Variants in NCS1 observed in about 807,000 individuals in gnomAD.
The protein encoded by NCS1 is frequenin homolog.
A neutral mutation model predicts 28.4 loss-of-function variants in NCS1; 6 were observed. The ratio of observed to expected loss-of-function variants is 0.21; its 90% CI spans 0.12 to 0.42. The LOEUF (loss-of-function observed/expected upper bound fraction) is 0.42, where lower values mean the gene tolerates loss of function less well. NCS1 is among the 10% of genes least tolerant of loss of function. The probability of loss-of-function intolerance (pLI) is 1.00; values close to 1 mark genes in which losing one functional copy is unlikely to be tolerated. For synonymous variants in NCS1, 86 were observed against 99.3 expected (o/e 0.87, Z 0.79); for missense variants, 131 against 241.4 (o/e 0.54, Z 3.03).
At chr9:130,220,349 T>A (rs1833259484) in intron 4 of NCS1, among the ~76,000 whole-genome samples, 1 of 152,000 alleles carries the variant, frequency 6.6e-6, no homozygotes, top group African/African-American at 2.4e-5. Flanking sequence ...GATAGATGGG[T>A]CCCTGCTCTC....
Position 130,180,032 on chromosome 9 carries a change from T to G in NCS1, c.64+7305T>G, listed in dbSNP as rs1330266004. Reference sequence around the variant, plus strand: ...CTATCTATCTATCTATCTATCTATCTATCTATCTATCTATCTATCGAGATG... The same window carrying G: ...CTATCTATCTATCTATCTATCTATCGATCTATCTATCTATCTATCGAGATG... On this transcript the variant is annotated intron_variant, in intron 1 of 7. Coordinates refer to ENST00000372398, the MANE Select transcript of NCS1 (RefSeq NM_014286.4). This position sits in a 1 kb window ranked among gnomAD's most constrained non-coding sequence, Gnocchi z 4.5. Among the ~76,000 whole-genome samples, 2 of 149,202 alleles carry G rather than the reference T, an allele frequency of 1.3e-5. No homozygotes were observed. Among genetic ancestry groups the G allele is most frequent in the African/African-American group, 5.1e-5 (2 of 39,420 alleles).
rs1444845233 is a variant in NCS1 at position 130,219,709 on chromosome 9, C to T, written c.229-16C>T. On this transcript the variant is annotated splice_polypyrimidine_tract_variant and intron_variant, in intron 3 of 7. Coordinates refer to ENST00000372398, the MANE Select transcript of NCS1 (RefSeq NM_014286.4). The surrounding 1 kb of genome is among the most constrained non-coding windows in gnomAD (Gnocchi z 5.7). ...GGCCGGCACTGACTGAGGCAATCCCCTCTCTCTCCTGTCAGGACGGGCGAA... is the reference window on the plus strand; with the variant it reads ...GGCCGGCACTGACTGAGGCAATCCCTTCTCTCTCCTGTCAGGACGGGCGAA... 1 of 1,613,808 alleles carries T rather than the reference C, an allele frequency of 6.2e-7. No homozygotes were observed.
chr9:130,222,837 A>T, intron 5 of NCS1, 99 bp downstream of exon 5: 1 of 1,272,452 alleles, frequency 7.9e-7, no homozygotes, highest in Non-Finnish European at 1.1e-6. Context: ...GCTCCTGCCC[A>T]GGGTGGAAGC....
rs545750333 is a variant in NCS1 at position 130,180,780 on chromosome 9, G to A, written c.64+8053G>A. ...TGGACCGGCTGTATCAGGGACAGCC[G>A]TTCTTGGCCACTCCCCTGGGCAATC... On this transcript the variant is annotated intron_variant, in intron 1 of 7. Coordinates refer to ENST00000372398, the MANE Select transcript of NCS1 (RefSeq NM_014286.4). The surrounding 1 kb of genome is among the most constrained non-coding windows in gnomAD (Gnocchi z 4.5). Among the ~76,000 whole-genome samples, 1 of 152,322 alleles carries A rather than the reference G, an allele frequency of 6.6e-6. No individual in the cohort carries two copies. Among genetic ancestry groups the A allele is most frequent in the Admixed American group, 6.5e-5 (1 of 15,302 alleles).
rs192137402 is a variant in NCS1 at position 130,202,662 on chromosome 9, C to T, written c.89+1680C>T. Among the ~76,000 whole-genome samples the T allele has an allele frequency of 2.7e-3, 407 of 151,420 alleles. 1 individual carries two copies. Among genetic ancestry groups the T allele is most frequent in the African/African-American group, 9.2e-3 (379 of 41,226 alleles). ...TGGCATGATCTCAGCTCACTGCAAC[C>T]TCCGCCTCCCAGAGTCAAGCGATTC... On this transcript the variant is annotated intron_variant, in intron 2 of 7. Coordinates refer to ENST00000372398, the MANE Select transcript of NCS1 (RefSeq NM_014286.4).
At position 130,191,428 on chromosome 9, in the gene NCS1, C is replaced by G. The variant is rs868968070; in HGVS notation, c.65-9530C>G. 1.3e-4 allele frequency among the ~76,000 whole-genome samples: 20 copies of G among 152,300 alleles called. No homozygotes were observed. Among genetic ancestry groups the G allele is most frequent in the African/African-American group, 3.6e-4 (15 of 41,576 alleles). On this transcript the variant is annotated intron_variant, in intron 1 of 7. Transcript: ENST00000372398. The surrounding 1 kb of genome is among the most constrained non-coding windows in gnomAD (Gnocchi z 6.4). ...AGATCCCCCAACAGGTGAAATACCC[C>G]CCGATTCGAGTGCTCAGCCTTCCTC...
rs1462593301 is a variant in NCS1, at chr9:130,232,817, C to G, written c.*18-173C>G. ...AAGCAAACAAAAAAAAACCAAAAAA[C>G]CCAAAGGGTGCCTCAGAGGTTATGC... On this transcript the variant is annotated intron_variant, in intron 7 of 7. Transcript: ENST00000372398. This position sits in a 1 kb window ranked among gnomAD's most constrained non-coding sequence, Gnocchi z 4.4. Among the ~76,000 whole-genome samples the G allele has an allele frequency of 1.3e-5, 2 of 151,986 alleles. No individual in the cohort carries two copies. The highest frequency in any genetic ancestry group is 4.8e-5 in the African/African-American group (2 of 41,380).
Position 130,232,052 on chromosome 9 carries a change from T to G in NCS1, c.*18-938T>G, listed in dbSNP as rs187737376. Among the ~76,000 whole-genome samples the G allele has an allele frequency of 3.1e-4, 47 of 151,944 alleles. No individual in the cohort carries two copies. Among genetic ancestry groups the G allele is most frequent in the Non-Finnish European group, 4.9e-4 (33 of 67,956 alleles). On this transcript the variant is annotated intron_variant, in intron 7 of 7. Transcript: ENST00000372398. The surrounding 1 kb of genome is among the most constrained non-coding windows in gnomAD (Gnocchi z 4.4). ...ACCTCTGCCTCCCAGGTTCAAGTCA[T>G]TCTCCTGTCTGAGCCTCCCAAGCAG...
At chr9:130,213,699 C>T (rs963245844) in intron 2 of NCS1, among the ~76,000 whole-genome samples, 1 of 152,096 alleles carries the variant, frequency 6.6e-6, no homozygotes, top group African/African-American at 2.4e-5. Context: ...GATTCTCCTA[C>T]CTCAGCCTCC....
rs1223090884 is a variant in NCS1, at chr9:130,221,798, A to T, written c.308-852A>T. On this transcript the variant is annotated intron_variant, in intron 4 of 7. Coordinates refer to ENST00000372398, the MANE Select transcript of NCS1 (RefSeq NM_014286.4). ...CATAAATATAAATTATGTATATATAAATATATATACATAAATATAAATTAT... is the reference window on the plus strand; with the variant it reads ...CATAAATATAAATTATGTATATATATATATATATACATAAATATAAATTAT... Among the ~76,000 whole-genome samples the T allele has an allele frequency of 3.6e-5, 5 of 137,118 alleles. No homozygotes were observed. In the East Asian group the frequency reaches 8.0e-4, roughly 22 times the overall value. The allele number at this position is 137,118 out of a possible 152,430, so 90.0% of individuals were successfully genotyped here.
rs571328995 is a variant in NCS1, at chr9:130,192,543, C to T, written c.65-8415C>T. 5.3e-4 allele frequency among the ~76,000 whole-genome samples: 81 copies of T among 152,208 alleles called. 1 individual carries two copies. The South Asian group carries it at 0.017, about 31-fold the overall frequency. ...TGGGAGCTGGGGGGCCTGGAGGTCTCAGGAGTTGACCTCTTTCGTGGGACA... is the reference window on the plus strand; with the variant it reads ...TGGGAGCTGGGGGGCCTGGAGGTCTTAGGAGTTGACCTCTTTCGTGGGACA... On this transcript the variant is annotated intron_variant, in intron 1 of 7. Transcript: ENST00000372398. This position sits in a 1 kb window ranked among gnomAD's most constrained non-coding sequence, Gnocchi z 4.8.
chr9:130,212,169 T>C (rs1833122317), intron 2 of NCS1, among the ~76,000 whole-genome samples: 1 of 152,138 alleles, frequency 6.6e-6, no homozygotes, highest in Non-Finnish European at 1.5e-5. Flanking sequence ...GAATCGTTCC[T>C]GGAAAGCACA....
In NCS1 at chr9:130,219,635, C is replaced by T; in HGVS notation, c.229-90C>T. On this transcript the variant is annotated intron_variant, in intron 3 of 7. Transcript: ENST00000372398. This position sits in a 1 kb window ranked among gnomAD's most constrained non-coding sequence, Gnocchi z 5.7. ...GTCCATTGGCCACAGTGTCTGGAGC[C>T]TGCGACTGCCCCTCGCCCGTCCCGA... 1 of 1,205,928 alleles carries T rather than the reference C, an allele frequency of 8.3e-7. No homozygotes were observed. Among genetic ancestry groups the T allele is most frequent in the Non-Finnish European group, 1.2e-6 (1 of 821,716 alleles). The allele number at this position is 1,205,928 out of a possible 1,614,324, so 74.7% of individuals were successfully genotyped here.
Position 130,217,831 on chromosome 9 carries a change from G to C in NCS1, c.90-1G>C. On this transcript the variant is annotated splice_acceptor_variant, in intron 2 of 7. Coordinates refer to ENST00000372398, the MANE Select transcript of NCS1 (RefSeq NM_014286.4). LOFTEE classifies it high-confidence loss of function. Reference sequence around the variant, plus strand: ...TCTCTGGCCCGGTCTGCTGCCTCCAGGTACAAAGGCTTCATCAAGGACTGC... The same window carrying C: ...TCTCTGGCCCGGTCTGCTGCCTCCACGTACAAAGGCTTCATCAAGGACTGC... The C allele has an allele frequency of 6.2e-7, 1 of 1,614,180 alleles. No homozygotes were observed. The highest frequency in any genetic ancestry group is 8.5e-7 in the Non-Finnish European group (1 of 1,180,034).
Position 130,232,367 on chromosome 9 carries a change from T to A in NCS1, c.*18-623T>A, listed in dbSNP as rs538774587. Reference sequence around the variant, plus strand: ...TTTGTAAACTGTTTTATCCTGTGGGTGTGTCCTAATGTATCCCACCACTCC... The same window carrying A: ...TTTGTAAACTGTTTTATCCTGTGGGAGTGTCCTAATGTATCCCACCACTCC... On this transcript the variant is annotated intron_variant, in intron 7 of 7. Coordinates refer to ENST00000372398, the MANE Select transcript of NCS1 (RefSeq NM_014286.4). This position sits in a 1 kb window ranked among gnomAD's most constrained non-coding sequence, Gnocchi z 4.4. Among the ~76,000 whole-genome samples, 7 of 152,376 alleles carry A rather than the reference T, an allele frequency of 4.6e-5. No homozygotes were observed. In the East Asian group the frequency reaches 9.6e-4, roughly 21 times the overall value.
At position 130,236,168 on chromosome 9, in the gene NCS1, T is replaced by C. The variant is rs1471097640; in HGVS notation, c.*3196T>C. ...GAACTTTGTGTTTTTTCGGAGGGGG[T>C]TGGTGGGGAGGTCGGGATGCCTGGG... On this transcript the variant is annotated 3_prime_UTR_variant, in exon 8 of 8. Transcript: ENST00000372398. 4.0e-5 allele frequency: 6 copies of C among 151,816 alleles called. No homozygotes were observed. Among genetic ancestry groups the C allele is most frequent in the Non-Finnish European group, 8.8e-5 (6 of 67,948 alleles). The allele number at this position is 151,816 out of a possible 1,614,324, so 9.4% of individuals were successfully genotyped here.
At chr9:130,224,339 T>G (rs1313924087) in intron 6 of NCS1, among the ~76,000 whole-genome samples, 5 of 112,226 alleles carry the variant, frequency 4.5e-5, no homozygotes, top group Admixed American at 2.0e-4. Flanking sequence ...TTGCAGTGAG[T>G]GGAGATCGCG....
chr9:130,195,310 A>G (rs1372979134), intron 1 of NCS1, among the ~76,000 whole-genome samples: 1 of 152,210 alleles, frequency 6.6e-6, no homozygotes, highest in African/African-American at 2.4e-5. Flanking sequence ...CCCCTTGGTC[A>G]GACCCCCGTT....
Position 130,177,513 on chromosome 9 carries a change from G to A in NCS1, c.64+4786G>A, listed in dbSNP as rs4836694. On this transcript the variant is annotated intron_variant, in intron 1 of 7. Transcript: ENST00000372398. This position sits in a 1 kb window ranked among gnomAD's most constrained non-coding sequence, Gnocchi z 4.4. Reference sequence around the variant, plus strand: ...GGCCGTCCCTGTACATCCCGTGTGCGTGGGCATGAACCAAGGAGGCCTTTC... The same window carrying A: ...GGCCGTCCCTGTACATCCCGTGTGCATGGGCATGAACCAAGGAGGCCTTTC... 2.0e-5 allele frequency among the ~76,000 whole-genome samples: 3 copies of A among 152,092 alleles called. No homozygotes were observed. The highest frequency in any genetic ancestry group is 4.8e-5 in the African/African-American group (2 of 41,414).
Sources: gnomAD v4.1 joint callset for allele counts (sites outside exome capture counted in the v4.1 genomes callset) on GRCh38, gnomAD v4.1.1 for gene constraint, Gnocchi (gnomAD v3.1) non-coding constraint, MANE v1.5 for transcripts, NCBI Gene and HGNC (gene_info 2026-07-23, HGNC 2026-07-21) for gene names.